SUMF1: variants seen among roughly 807,000 people sequenced by gnomAD.
The protein encoded by SUMF1 is formylglycine-generating enzyme.
SUMF1 carries 48 observed loss-of-function variants against 47.6 expected under a neutral mutation model. The observed-to-expected ratio is 1.01, with a 90% CI of 0.80 to 1.28. The LOEUF (loss-of-function observed/expected upper bound fraction) is 1.28. SUMF1 is among the 50% of genes most tolerant of loss of function. The pLI is 0.00. For synonymous variants in SUMF1, 230 were observed against 192.1 expected (o/e 1.20, Z -1.63); for missense variants, 571 against 485.4 (o/e 1.18, Z -1.66).
intron 8 of SUMF1, among the ~76,000 whole-genome samples, chr3:4,131,585 C>A (rs1693790687): frequency 6.6e-6 from 1 of 152,034 alleles, no homozygotes; most frequent in Non-Finnish European, 1.5e-5. Context: ...TATGGAATGG[C>A]CAGATATGCA....
intron 8 of SUMF1, among the ~76,000 whole-genome samples, chr3:4,270,409 TTCTC>T (rs138890956): frequency 1.1e-4 from 16 of 149,006 alleles, no homozygotes; most frequent in Non-Finnish European, 1.8e-4. Flanking sequence ...CTCTCTCTCT[TTCTC>T]TCTCTCTCTC....
chr3:4,337,942 T>G (rs1214684734), intron 8 of SUMF1, among the ~76,000 whole-genome samples: 1 of 152,156 alleles, frequency 6.6e-6, no homozygotes, highest in Non-Finnish European at 1.5e-5. Flanking sequence ...CCTCAACTTT[T>G]TCAAGGATAA....
At chr3:4,230,546 A>C (rs145343156) in intron 8 of SUMF1, among the ~76,000 whole-genome samples, 18 of 152,236 alleles carry the variant, frequency 1.2e-4, no homozygotes, top group African/African-American at 3.9e-4. Flanking sequence ...AGGTGTGTGG[A>C]GCTTCCGTGC....
chr3:4,358,999 T>G (rs372045545), downstream of SUMF1, among the ~76,000 whole-genome samples: 1 of 152,212 alleles, frequency 6.6e-6, no homozygotes, highest in African/African-American at 2.4e-5. Flanking sequence ...TGTGGTACAA[T>G]GTACAAAGTT....
chr3:4,316,593 C>CA (rs866854143), intron 8 of SUMF1: 25 of 1,551,210 alleles, frequency 1.6e-5, no homozygotes, highest in East Asian at 2.4e-5. Context: ...GACTGAAAAT[C>CA]AAAAAAATCG....
At chr3:4,137,986 T>C (rs568313623) in intron 8 of SUMF1, among the ~76,000 whole-genome samples, 8 of 152,110 alleles carry the variant, frequency 5.3e-5, no homozygotes, top group East Asian at 3.9e-4. Context: ...AAATTCAATA[T>C]GCAAGATTTA....
rs868813740 is a variant in SUMF1 at position 4,239,055 on chromosome 3, T to C, written c.1014+137275A>G. On this transcript the variant is annotated intron_variant and NMD_transcript_variant, in intron 8 of 12. Transcript: ENST00000448413. ...GAATCCTTTCCCTATTGCTTGTTTT[T>C]GCCAGGTTTGTCAAAGATCAGATGG... Among the ~76,000 whole-genome samples the C allele has an allele frequency of 3.3e-5, 5 of 152,310 alleles. No homozygotes were observed. The South Asian group carries it at 8.3e-4, about 25-fold the overall frequency.
intron 3 of SUMF1, among the ~76,000 whole-genome samples, chr3:4,421,568 C>A (rs1236094975): frequency 6.6e-6 from 1 of 152,160 alleles, no homozygotes; most frequent in Non-Finnish European, 1.5e-5. Context: ...CAGCCTTGAC[C>A]TCCTCAGCTC....
chr3:4,159,273 A>ATT lies in SUMF1; in HGVS notation c.1015-90530_1015-90529dup, dbSNP rs60482121. On this transcript the variant is annotated intron_variant and NMD_transcript_variant, in intron 8 of 12. Transcript: ENST00000448413. ...AGTGAAGGTGATTTTCTCTGGTGGT[A>ATT]TTTTTTTTTTTATTTTTTGTGCATC... Among the ~76,000 whole-genome samples the ATT allele has an allele frequency of 8.4e-4, 121 of 143,286 alleles. 3 individuals carry two copies. Among genetic ancestry groups the ATT allele is most frequent in the Middle Eastern group, 6.9e-3 (2 of 288 alleles). The allele number at this position is 143,286 out of a possible 152,430, so 94.0% of individuals were successfully genotyped here.
chr3:4,119,666 T>C (rs1260240019), intron 8 of SUMF1, among the ~76,000 whole-genome samples: 3 of 152,052 alleles, frequency 2.0e-5, no homozygotes, highest in Non-Finnish European at 4.4e-5. Context: ...TGCAGCATTG[T>C]GAGTCAGGCT....
At chr3:4,415,268 G>T (rs560868978) in intron 6 of SUMF1, among the ~76,000 whole-genome samples, 25 of 148,094 alleles carry the variant, frequency 1.7e-4, no homozygotes, top group Admixed American at 4.7e-4. Flanking sequence ...TAAAAGAAAT[G>T]ATTATCACGG....
At chr3:4,184,948 C>T (rs1213927577) in intron 8 of SUMF1, among the ~76,000 whole-genome samples, 1 of 152,028 alleles carries the variant, frequency 6.6e-6, no homozygotes, top group Non-Finnish European at 1.5e-5. Context: ...CCGCACCTGG[C>T]CTCCATATGC....
At chr3:4,051,044 G>A (rs55695097) in intron 9 of SUMF1, among the ~76,000 whole-genome samples, 13,598 of 151,002 alleles carry the variant, frequency 0.09, 731 homozygotes, top group Middle Eastern at 0.16. Flanking sequence ...GACTTGCTGC[G>A]CACAACTACC....
At chr3:4,460,813 C>CGT (rs2079796310) in intron 1 of SUMF1, among the ~76,000 whole-genome samples, 1 of 151,888 alleles carries the variant, frequency 6.6e-6, no homozygotes, top group Non-Finnish European at 1.5e-5. Flanking sequence ...AACACCAACA[C>CGT]ACCCTGCTAA....
intron 8 of SUMF1, among the ~76,000 whole-genome samples, chr3:4,223,986 G>A (rs1429014911): frequency 6.6e-6 from 1 of 152,094 alleles, no homozygotes; most frequent in African/African-American, 2.4e-5. Flanking sequence ...ATAGACAACA[G>A]CATTAAGGAT....
chr3:4,446,930 T>C (rs916499348), intron 3 of SUMF1, among the ~76,000 whole-genome samples: 5 of 152,354 alleles, frequency 3.3e-5, no homozygotes. Flanking sequence ...GATTAAACTT[T>C]GCATGTACAC....
intron 8 of SUMF1, among the ~76,000 whole-genome samples, chr3:4,309,246 C>A (rs1181027405): frequency 1.3e-5 from 2 of 152,124 alleles, no homozygotes; most frequent in African/African-American, 4.8e-5. Flanking sequence ...TCTGTTCTAT[C>A]AGTAATTCCA....
intron 3 of SUMF1, among the ~76,000 whole-genome samples, chr3:4,434,720 G>GA (rs1702341835): frequency 6.6e-6 from 1 of 152,008 alleles, no homozygotes. Context: ...GTGCTGGCAT[G>GA]AAAAAAATGA....
chr3:4,327,654 A>G (rs1338036965), intron 8 of SUMF1, among the ~76,000 whole-genome samples: 1 of 152,044 alleles, frequency 6.6e-6, no homozygotes, highest in Non-Finnish European at 1.5e-5. Flanking sequence ...ATAAAATATA[A>G]CCCAAAGAAA....
Sources: allele counts gnomAD v4.1 joint callset (sites outside exome capture counted in the v4.1 genomes callset), GRCh38; gene constraint gnomAD v4.1.1; transcripts MANE v1.5; gene names NCBI Gene and HGNC (gene_info 2026-07-23, HGNC 2026-07-21).